SUSD4: variants seen among roughly 807,000 people sequenced by gnomAD.
SUSD4 encodes the protein sushi domain-containing protein 4.
A neutral mutation model predicts 50.5 loss-of-function variants in SUSD4; 41 were observed. The ratio of observed to expected loss-of-function variants is 0.81; its 90% CI spans 0.63 to 1.05. The LOEUF is 1.05. Ranked by LOEUF, SUSD4 falls within the 50% of genes least tolerant of loss-of-function variation. SUSD4 has a pLI of 0.00. For missense variants in SUSD4, 580 were observed against 634.7 expected (o/e 0.91, Z 0.93); for synonymous variants, 257 against 257.3 (o/e 1.00, Z 0.01).
intron 3 of SUSD4, among the ~76,000 whole-genome samples, chr1:223,271,862 T>G (rs1571937882): frequency 6.6e-6 from 1 of 152,162 alleles, no homozygotes; most frequent in African/African-American, 2.4e-5. Flanking sequence ...ACAGTAAATG[T>G]CTAATATCCA....
At chr1:223,326,185 G>A (rs566095192) in intron 2 of SUSD4, among the ~76,000 whole-genome samples, 1 of 152,224 alleles carries the variant, frequency 6.6e-6, no homozygotes, top group East Asian at 1.9e-4. Flanking sequence ...AGAGAAACCA[G>A]AAATAAAGCC....
At chr1:223,240,978 T>C (rs1660541074) in intron 5 of SUSD4, among the ~76,000 whole-genome samples, 1 of 152,118 alleles carries the variant, frequency 6.6e-6, no homozygotes, top group African/African-American at 2.4e-5. Flanking sequence ...GTCTCAGTCT[T>C]TTAGTGAGCC....
intron 7 of SUSD4, among the ~76,000 whole-genome samples, chr1:223,225,986 A>G (rs4661250): frequency 0.11 from 17,467 of 152,266 alleles, 1,227 homozygotes; most frequent in East Asian, 0.19. Flanking sequence ...ATAATATAAG[A>G]TGAAAGACTC....
Position 223,229,490 on chromosome 1 carries a change from G to A in SUSD4, c.725-102C>T. 1 of 1,134,498 alleles carries A rather than the reference G, an allele frequency of 8.8e-7. No individual in the cohort carries two copies. The highest frequency in any genetic ancestry group is 2.8e-5 in the Admixed American group (1 of 36,000). 70.3% of individuals were successfully genotyped at this position (1,134,498 alleles called of 1,614,324 possible). A position where few individuals can be genotyped will look rare whatever the true frequency, so the allele number is the denominator to read the frequency against. Reference sequence around the variant, plus strand: ...CCTAGGAGAACTCAGTTAAAAATGTGCTTATGGATTAATCACCAGGCTACT... The same window carrying A: ...CCTAGGAGAACTCAGTTAAAAATGTACTTATGGATTAATCACCAGGCTACT... On this transcript the variant is annotated intron_variant, in intron 5 of 8. Transcript: ENST00000366878. The surrounding 1 kb of genome is among the most constrained non-coding windows in gnomAD (Gnocchi z 4.7).
At chr1:223,241,683 G>A (rs1396070976) in intron 5 of SUSD4, among the ~76,000 whole-genome samples, 1 of 152,220 alleles carries the variant, frequency 6.6e-6, no homozygotes, top group Non-Finnish European at 1.5e-5. Context: ...GGCTTTTCAA[G>A]GGGTTACTGA....
In SUSD4 at chr1:223,313,155, G is replaced by A. The variant is rs1200321429; in HGVS notation, c.149-20504C>T. Among the ~76,000 whole-genome samples, 10 of 152,308 alleles carry A rather than the reference G, an allele frequency of 6.6e-5. 1 individual carries two copies. In the South Asian group the frequency reaches 1.5e-3, roughly 22 times the overall value. The stretch of plus-strand genomic sequence containing the variant: ...TATGCTAAAGAGGTGACTCAGGATG[G>A]GGGCTGGCCATGCCAGAAAGATCAA... On this transcript the variant is annotated intron_variant, in intron 2 of 8. Coordinates refer to ENST00000366878, the MANE Select transcript of SUSD4 (RefSeq NM_017982.4).
At chr1:223,307,278 A>G (rs1009970330) in intron 2 of SUSD4, among the ~76,000 whole-genome samples, 4 of 152,178 alleles carry the variant, frequency 2.6e-5, no homozygotes, top group Non-Finnish European at 5.9e-5. Flanking sequence ...TATGAAATCA[A>G]ATTTCCTTTC....
chr1:223,284,473 T>C (rs1663996340), intron 3 of SUSD4, among the ~76,000 whole-genome samples: 1 of 152,212 alleles, frequency 6.6e-6, no homozygotes, highest in Admixed American at 6.5e-5. Context: ...GAGGCTTCAC[T>C]TTCTCATCTG....
upstream of SUSD4, among the ~76,000 whole-genome samples, chr1:223,364,735 C>A (rs1225255147): frequency 6.6e-6 from 1 of 151,572 alleles, no homozygotes; most frequent in South Asian, 2.1e-4. This position sits in a 1 kb window ranked among gnomAD's most constrained non-coding sequence, Gnocchi z 4.5. Flanking sequence ...GCTGCAGACC[C>A]GGGGCGAGTG....
intron 2 of SUSD4, among the ~76,000 whole-genome samples, chr1:223,307,603 G>C (rs1665619978): frequency 1.3e-5 from 2 of 152,186 alleles, no homozygotes; most frequent in African/African-American, 4.8e-5. Flanking sequence ...GTGCCACTGG[G>C]ACTTTTGCGG....
chr1:223,276,056 T>A (rs1336313413), intron 3 of SUSD4, among the ~76,000 whole-genome samples: 1 of 152,188 alleles, frequency 6.6e-6, no homozygotes, highest in Non-Finnish European at 1.5e-5. Flanking sequence ...AAGACTGGCA[T>A]GAGAGAAGAT....
chr1:223,364,860 C>T (rs771120436), upstream of SUSD4, among the ~76,000 whole-genome samples: 10 of 152,194 alleles, frequency 6.6e-5, no homozygotes, highest in Non-Finnish European at 1.0e-4. This position sits in a 1 kb window ranked among gnomAD's most constrained non-coding sequence, Gnocchi z 4.5. Context: ...CTCCCATCTC[C>T]GCCGAAGCTC....
chr1:223,284,147 G>T (rs926036507), intron 3 of SUSD4, among the ~76,000 whole-genome samples: 7 of 152,020 alleles, frequency 4.6e-5, no homozygotes, highest in African/African-American at 1.7e-4. Flanking sequence ...GAGTTAATGG[G>T]TGCAGCACAC....
Position 223,222,302 on chromosome 1 carries a change from T to A in SUSD4, c.1445-82A>T, listed in dbSNP as rs563056303. 8.4e-6 allele frequency: 12 copies of A among 1,435,658 alleles called. No individual in the cohort carries two copies. In the African/African-American group the frequency reaches 1.0e-4, roughly 12 times the overall value. The allele number at this position is 1,435,658 out of a possible 1,614,324, so 88.9% of individuals were successfully genotyped here. ...TGGAATTATATGCCTCATTAAAATATCTACAGTTTCTCAAATCAGTGAGGA... is the reference window on the plus strand; with the variant it reads ...TGGAATTATATGCCTCATTAAAATAACTACAGTTTCTCAAATCAGTGAGGA... On this transcript the variant is annotated intron_variant, in intron 8 of 8. Transcript: ENST00000366878.
At chr1:223,262,193 G>A (rs1242627957) in intron 5 of SUSD4, among the ~76,000 whole-genome samples, 1 of 152,184 alleles carries the variant, frequency 6.6e-6, no homozygotes, top group African/African-American at 2.4e-5. Flanking sequence ...GATTGACAGT[G>A]AAAGAGGAAC....
chr1:223,346,741 G>T (rs1311058239), intron 2 of SUSD4, among the ~76,000 whole-genome samples: 1 of 152,148 alleles, frequency 6.6e-6, no homozygotes, highest in Non-Finnish European at 1.5e-5. Flanking sequence ...TTTATGTAAA[G>T]CACTTCAAAA....
At chr1:223,237,791 T>C (rs1451448689) in intron 5 of SUSD4, among the ~76,000 whole-genome samples, 2 of 152,010 alleles carry the variant, frequency 1.3e-5, no homozygotes, top group Non-Finnish European at 2.9e-5. Context: ...ATGAAAGATA[T>C]TGATCTGCGA....
At chr1:223,308,744 G>A (rs1002628069) in intron 2 of SUSD4, among the ~76,000 whole-genome samples, 2 of 152,116 alleles carry the variant, frequency 1.3e-5, no homozygotes, top group African/African-American at 4.8e-5. Context: ...AGAGGGAGTA[G>A]AACCTGGGAG....
chr1:223,305,916 T>C (rs374483830), intron 2 of SUSD4, among the ~76,000 whole-genome samples: 23 of 152,302 alleles, frequency 1.5e-4, no homozygotes, highest in African/African-American at 4.1e-4. Flanking sequence ...ACTCTGAATA[T>C]TTGGATGCTA....
Sources: gnomAD v4.1 joint callset for allele counts (sites outside exome capture counted in the v4.1 genomes callset) on GRCh38, gnomAD v4.1.1 for gene constraint, Gnocchi (gnomAD v3.1) non-coding constraint, MANE v1.5 for transcripts, NCBI Gene and HGNC (gene_info 2026-07-23, HGNC 2026-07-21) for gene names.